PAPPA2: variants seen among roughly 807,000 people sequenced by gnomAD.
The protein encoded by PAPPA2 is pappalysin 2.
Under a neutral mutation model 176.4 loss-of-function variants are expected in PAPPA2, and 86 were observed. That is an observed-to-expected ratio of 0.49 (90% CI 0.41 to 0.58). The LOEUF (loss-of-function observed/expected upper bound fraction) is 0.58. Among genes scored for constraint, PAPPA2 ranks in the 20% least tolerant of loss-of-function variants. The probability of loss-of-function intolerance (pLI) is 0.00; values close to 1 mark genes in which losing one functional copy is unlikely to be tolerated. For missense variants in PAPPA2, 2,073 were observed against 2,256.9 expected, an observed-to-expected ratio of 0.92 and a Z score of 1.65; for synonymous variants, 809 against 852.2, an observed-to-expected ratio of 0.95 and a Z score of 0.88.
chr1:176,701,047 CACAT>C (rs1246534238), intron 8 of PAPPA2, among the ~76,000 whole-genome samples: 5 of 126,106 alleles, frequency 4.0e-5, no homozygotes, highest in South Asian at 3.1e-4. Flanking sequence ...TACACACACA[CACAT>C]ACACACACAC....
intron 3 of PAPPA2, 64 bp from the exon 4 acceptor site, chr1:176,670,906 G>A: frequency 1.3e-6 from 2 of 1,595,194 alleles, no homozygotes; most frequent in Non-Finnish European, 8.6e-7. Context: ...ATTAGGTCTG[G>A]CTCTGCTATT....
At chr1:176,642,194 C>T (rs979357310) in intron 3 of PAPPA2, among the ~76,000 whole-genome samples, 1 of 151,826 alleles carries the variant, frequency 6.6e-6, no homozygotes, top group African/African-American at 2.4e-5. Context: ...ATGAGGAAGG[C>T]ATGATTATTA....
intron 3 of PAPPA2, among the ~76,000 whole-genome samples, chr1:176,617,442 A>G (rs759242375): frequency 1.3e-5 from 2 of 151,934 alleles, no homozygotes; most frequent in African/African-American, 2.4e-5. Context: ...ACTGTACCCA[A>G]TTTGTAGTCT....
chr1:176,515,150 C>T (rs1648836839), intron 1 of PAPPA2, among the ~76,000 whole-genome samples: 1 of 152,132 alleles, frequency 6.6e-6, no homozygotes, highest in South Asian at 2.1e-4. Flanking sequence ...CAATAAAACA[C>T]TGAGTGCAAT....
In PAPPA2 at chr1:176,769,646, C is replaced by G. The variant is rs1393781133; in HGVS notation, c.4363C>G (p.Gln1455Glu). Residue 1455 changes from glutamine to glutamate, a missense_variant, in exon 16 of 23, where the codon CAG (glutamine) becomes GAG (glutamate). Gln to Glu is a conservative substitution (Grantham distance 29, BLOSUM62 2). Coordinates refer to ENST00000367662, the MANE Select transcript of PAPPA2 (RefSeq NM_020318.3). ...CACATGTTCTTCTGGGCACTGGGAC[C>G]AGAATGTGAGCTGCCTTCCCGTGGA... is the stretch of plus-strand genomic sequence containing the variant. ...LLTCSSGHWD[Q>E]NVSCLPVDCG... 6.2e-7 allele frequency: 1 copy of G among 1,613,490 alleles called. No individual in the cohort carries two copies. The highest frequency in any genetic ancestry group is 2.2e-5 in the East Asian group (1 of 44,874).
chr1:176,525,337 C>A (rs897619047), intron 1 of PAPPA2, among the ~76,000 whole-genome samples: 1 of 152,144 alleles, frequency 6.6e-6, no homozygotes, highest in African/African-American at 2.4e-5. Flanking sequence ...CCTATACTCA[C>A]AATTGGTGCA....
chr1:176,576,707 G>A (rs1409964989), intron 2 of PAPPA2, among the ~76,000 whole-genome samples: 1 of 152,206 alleles, frequency 6.6e-6, no homozygotes, highest in African/African-American at 2.4e-5. Context: ...TCTCCTGATA[G>A]TCTATTGGAA....
intron 1 of PAPPA2, among the ~76,000 whole-genome samples, chr1:176,507,860 A>G (rs1648373258): frequency 6.6e-6 from 1 of 152,054 alleles, no homozygotes; most frequent in South Asian, 2.1e-4. Context: ...AGTGCAATAT[A>G]CCCATGTAAC....
rs1206355428 is a variant in PAPPA2, at chr1:176,844,344, A to G, written c.*1890A>G. ...GCAAATAGGAATAGGAAATACTACCACAATGATAGAAATATTATCCACACT... is the reference window on the plus strand; with the variant it reads ...GCAAATAGGAATAGGAAATACTACCGCAATGATAGAAATATTATCCACACT... On this transcript the variant is annotated 3_prime_UTR_variant, in exon 23 of 23. Coordinates refer to ENST00000367662, the MANE Select transcript of PAPPA2 (RefSeq NM_020318.3). 1 of 152,186 alleles carries G rather than the reference A, an allele frequency of 6.6e-6. No homozygotes were observed. Among genetic ancestry groups the G allele is most frequent in the Non-Finnish European group, 1.5e-5 (1 of 68,030 alleles). 9.4% of individuals were successfully genotyped at this position (152,186 alleles called of 1,614,324 possible).
At chr1:176,599,546 T>G (rs1192572675) in intron 3 of PAPPA2, among the ~76,000 whole-genome samples, 1 of 150,900 alleles carries the variant, frequency 6.6e-6, no homozygotes, top group Non-Finnish European at 1.5e-5. Flanking sequence ...GAGTCTATCT[T>G]TCAATGCTTT....
chr1:176,673,894 A>T (rs1446756857), intron 4 of PAPPA2, among the ~76,000 whole-genome samples: 1 of 152,064 alleles, frequency 6.6e-6, no homozygotes, highest in East Asian at 1.9e-4. Flanking sequence ...AGCAGCCTAG[A>T]GCTTGCTTTG....
chr1:176,706,923 T>C (rs898256457), intron 10 of PAPPA2, among the ~76,000 whole-genome samples: 7 of 152,310 alleles, frequency 4.6e-5, no homozygotes, highest in Admixed American at 3.3e-4. Context: ...CTGTGTGTAA[T>C]AGATTCAATC....
chr1:176,475,398 G>A (rs1025229657), intron 1 of PAPPA2, among the ~76,000 whole-genome samples: 8 of 152,206 alleles, frequency 5.3e-5, no homozygotes, highest in Non-Finnish European at 1.2e-4. Flanking sequence ...CAGATTCTCT[G>A]CTCTTGGCCC....
chr1:176,735,438 T>A (rs1662353532), intron 12 of PAPPA2, among the ~76,000 whole-genome samples: 1 of 152,116 alleles, frequency 6.6e-6, no homozygotes, highest in Non-Finnish European at 1.5e-5. Context: ...TGCTATCCAG[T>A]GAGCGCCACA....
intron 4 of PAPPA2, among the ~76,000 whole-genome samples, chr1:176,681,361 T>C (rs890734374): frequency 2.0e-5 from 3 of 152,126 alleles, no homozygotes; most frequent in African/African-American, 7.2e-5. Flanking sequence ...CTCAGGTGCA[T>C]GCGACTTGAG....
intron 3 of PAPPA2, among the ~76,000 whole-genome samples, chr1:176,646,495 C>G (rs1282248131): frequency 6.6e-6 from 1 of 150,474 alleles, no homozygotes; most frequent in African/African-American, 2.4e-5. Context: ...CTATAACATA[C>G]TAGATCTTAT....
chr1:176,657,398 A>G lies in PAPPA2; in HGVS notation c.1992-13572A>G, dbSNP rs191405496. Reference sequence around the variant, plus strand: ...CAGATCCTGAAAGGTCTTGTAAACCATAGTAAGACATTTAGAGTTCCTTAA... The same window carrying G: ...CAGATCCTGAAAGGTCTTGTAAACCGTAGTAAGACATTTAGAGTTCCTTAA... On this transcript the variant is annotated intron_variant, in intron 3 of 22. Coordinates refer to ENST00000367662, the MANE Select transcript of PAPPA2 (RefSeq NM_020318.3). 4.2e-3 allele frequency among the ~76,000 whole-genome samples: 646 copies of G among 152,100 alleles called. 3 individuals carry two copies. The highest frequency in any genetic ancestry group is 0.01 in the Middle Eastern group (3 of 294).
chr1:176,627,737 A>G (rs894673178), intron 3 of PAPPA2, among the ~76,000 whole-genome samples: 7 of 152,200 alleles, frequency 4.6e-5, no homozygotes, highest in Admixed American at 6.5e-5. Flanking sequence ...AGGGAAATCT[A>G]GTTCACGATA....
chr1:176,829,337 T>C (rs1666996379), intron 21 of PAPPA2, among the ~76,000 whole-genome samples: 1 of 151,694 alleles, frequency 6.6e-6, no homozygotes, highest in South Asian at 2.1e-4. Context: ...AAGAAAAATA[T>C]TTAATCCAAA....
Sources: gnomAD v4.1 joint callset for allele counts (sites outside exome capture counted in the v4.1 genomes callset) on GRCh38, gnomAD v4.1.1 for gene constraint, MANE v1.5 for transcripts, NCBI Gene and HGNC (gene_info 2026-07-23, HGNC 2026-07-21) for gene names.